Variants in APBB2 observed in about 807,000 individuals in gnomAD.
The protein encoded by APBB2 is Fe65-like 1.
A neutral mutation model predicts 82.5 loss-of-function variants in APBB2; 38 were observed. That is an observed-to-expected ratio of 0.46 (90% CI 0.36 to 0.60). The LOEUF (loss-of-function observed/expected upper bound fraction) is 0.60, where lower values mean the gene tolerates loss of function less well. APBB2 is among the 20% of genes least tolerant of loss of function. The pLI is 0.00. For missense variants in APBB2, 772 were observed against 972.3 expected, an observed-to-expected ratio of 0.79 and a Z score of 2.74; for synonymous variants, 341 against 368.2, an observed-to-expected ratio of 0.93 and a Z score of 0.85.
chr4:41,057,481 G>C (rs1224145072), intron 4 of APBB2, among the ~76,000 whole-genome samples: 1 of 152,144 alleles, frequency 6.6e-6, no homozygotes, highest in Non-Finnish European at 1.5e-5. Context: ...ATGTTCAATA[G>C]TATATGTTGC....
At chr4:41,081,692 C>T (rs1737682158) in intron 3 of APBB2, among the ~76,000 whole-genome samples, 1 of 152,128 alleles carries the variant, frequency 6.6e-6, no homozygotes, top group South Asian at 2.1e-4. Flanking sequence ...TACTTCCAAC[C>T]AACACAAGTA....
At chr4:40,875,980 A>G (rs746870723) in intron 12 of APBB2, among the ~76,000 whole-genome samples, 1 of 152,124 alleles carries the variant, frequency 6.6e-6, no homozygotes, top group African/African-American at 2.4e-5. Flanking sequence ...GCAGCAGTAC[A>G]TGTGTGTTTG....
intron 3 of APBB2, among the ~76,000 whole-genome samples, chr4:41,080,518 C>T (rs564236813): frequency 9.2e-5 from 14 of 152,254 alleles, no homozygotes; most frequent in African/African-American, 3.4e-4. Context: ...CAAGATCATA[C>T]AAACCCGATA....
At chr4:41,041,808 A>G (rs544511369) in intron 4 of APBB2, among the ~76,000 whole-genome samples, 1 of 152,328 alleles carries the variant, frequency 6.6e-6, no homozygotes, top group East Asian at 1.9e-4. Context: ...ACAGAAAAAA[A>G]GCCTATTTTC....
intron 6 of APBB2, among the ~76,000 whole-genome samples, chr4:40,999,198 TG>T (rs1485238742): frequency 6.6e-6 from 1 of 152,184 alleles, no homozygotes; most frequent in Non-Finnish European, 1.5e-5. Flanking sequence ...CCCAGTACTC[TG>T]GGAGGCTGAG....
chr4:40,889,846 AGT>A (rs1010909871), intron 12 of APBB2, among the ~76,000 whole-genome samples: 2 of 152,326 alleles, frequency 1.3e-5, no homozygotes, highest in African/African-American at 4.8e-5. Context: ...AGACCTTTCA[AGT>A]GTTAAAAAAG....
In APBB2 at chr4:40,945,001, A is replaced by C. The variant is rs763823771; in HGVS notation, c.908T>G (p.Ile303Ser). Residue 303 changes from isoleucine (I) to serine (S), a missense_variant, in exon 7 of 18, where the codon ATT becomes AGT. By Grantham distance (142) the Ile-to-Ser change is moderately radical (BLOSUM62 -2). Transcript: ENST00000508593. ...GATGTGCCAATAATAGGTCCCGGCA[A>C]TGTCACTGACTCTTTTCCAGCCAGG... ...LPPGWKRVSD[I>S]AGTYYWHIPT... 7 of 1,529,776 alleles carry C rather than the reference A, an allele frequency of 4.6e-6. No individual in the cohort carries two copies. The highest frequency in any genetic ancestry group is 1.8e-4 in the Middle Eastern group (1 of 5,664). 94.8% of individuals were successfully genotyped at this position (1,529,776 alleles called of 1,614,324 possible).
At chr4:40,838,021 AT>A (rs1355998421) in intron 12 of APBB2, among the ~76,000 whole-genome samples, 2 of 152,260 alleles carry the variant, frequency 1.3e-5, no homozygotes, top group African/African-American at 2.4e-5. Context: ...AATTAAAAAA[AT>A]ATAAAGGACC....
intron 4 of APBB2, among the ~76,000 whole-genome samples, chr4:41,053,236 A>G (rs1422536429): frequency 6.6e-6 from 1 of 152,182 alleles, no homozygotes; most frequent in Non-Finnish European, 1.5e-5. Flanking sequence ...TGATGACCCT[A>G]TGACTTCTAG....
intron 12 of APBB2, among the ~76,000 whole-genome samples, chr4:40,886,415 G>T (rs1166355142): frequency 6.6e-6 from 1 of 152,128 alleles, no homozygotes; most frequent in Non-Finnish European, 1.5e-5. Flanking sequence ...GGGGGGCAAA[G>T]GTTGCAGTGA....
chr4:40,913,477 C>T (rs993412035), intron 10 of APBB2, among the ~76,000 whole-genome samples: 9 of 152,184 alleles, frequency 5.9e-5, no homozygotes, highest in African/African-American at 1.4e-4. Context: ...GTCCTTCCTC[C>T]GAATAGCTCA....
At chr4:41,046,918 T>G (rs1723630579) in intron 4 of APBB2, among the ~76,000 whole-genome samples, 1 of 152,260 alleles carries the variant, frequency 6.6e-6, no homozygotes, top group Non-Finnish European at 1.5e-5. Flanking sequence ...GTTCTTGATC[T>G]GTGATTCTGA....
chr4:41,195,931 C>T, intron 1 of APBB2, among the ~76,000 whole-genome samples: 10 of 152,258 alleles, frequency 6.6e-5, no homozygotes, highest in Admixed American at 3.3e-4. Flanking sequence ...GAGGCCAAGG[C>T]GGGCAGATCA....
At chr4:41,198,371 G>A in intron 1 of APBB2, among the ~76,000 whole-genome samples, 1 of 152,176 alleles carries the variant, frequency 6.6e-6, no homozygotes, top group Non-Finnish European at 1.5e-5. Context: ...GGAAGTTCAG[G>A]AGATATTTGT....
chr4:41,058,748 C>CA (rs1728698877), intron 4 of APBB2, among the ~76,000 whole-genome samples: 1 of 152,048 alleles, frequency 6.6e-6, no homozygotes, highest in African/African-American at 2.4e-5. Context: ...AATTTGGTGA[C>CA]AAAAATATCT....
At chr4:41,068,732 T>C (rs1332326852) in intron 3 of APBB2, among the ~76,000 whole-genome samples, 3 of 151,512 alleles carry the variant, frequency 2.0e-5, no homozygotes, top group Non-Finnish European at 4.4e-5. Context: ...GCTTTGGGTG[T>C]CAACATTTCC....
intron 3 of APBB2, among the ~76,000 whole-genome samples, chr4:41,070,584 G>A (rs969078349): frequency 6.6e-6 from 1 of 152,198 alleles, no homozygotes; most frequent in Non-Finnish European, 1.5e-5. Flanking sequence ...CTACAGGCGT[G>A]AGCCACCATG....
chr4:40,926,802 G>A (rs1782723669), intron 10 of APBB2, among the ~76,000 whole-genome samples: 1 of 152,250 alleles, frequency 6.6e-6, no homozygotes, highest in South Asian at 2.1e-4. Flanking sequence ...CTGTGTTTGA[G>A]TCCCTGTTCC....
At chr4:40,907,996 ATGTG>A (rs1560864657) in intron 10 of APBB2, among the ~76,000 whole-genome samples, 1 of 145,646 alleles carries the variant, frequency 6.9e-6, no homozygotes, top group Non-Finnish European at 1.5e-5. Context: ...GTGTGTGTGT[ATGTG>A]TGTATGTGTA....
Sources: gnomAD v4.1 joint callset for allele counts (sites outside exome capture counted in the v4.1 genomes callset) on GRCh38, gnomAD v4.1.1 for gene constraint, MANE v1.5 for transcripts, NCBI Gene and HGNC (gene_info 2026-07-23, HGNC 2026-07-21) for gene names.